INPP4B: variants seen among roughly 807,000 people sequenced by gnomAD.
INPP4B encodes the protein inositol polyphosphate 4-phosphatase type II.
A neutral mutation model predicts 122.5 loss-of-function variants in INPP4B; 55 were observed. The ratio of observed to expected loss-of-function variants is 0.45; its 90% confidence interval spans 0.36 to 0.56. The LOEUF (loss-of-function observed/expected upper bound fraction) is 0.56, where lower values mean the gene tolerates loss of function less well. Ranked by LOEUF, INPP4B falls within the 20% of genes least tolerant of loss-of-function variation. INPP4B has a pLI of 0.00. For synonymous variants in INPP4B, 403 were observed against 388.7 expected (o/e 1.04, Z -0.43); for missense variants, 1,000 against 1,097.7 (o/e 0.91, Z 1.26).
intron 7 of INPP4B, among the ~76,000 whole-genome samples, chr4:142,371,879 C>CA (rs879842820): frequency 0.011 from 1,466 of 129,260 alleles, 4 homozygotes; most frequent in African/African-American, 0.014. Flanking sequence ...GGAAGTCTCT[C>CA]AAAAAAAAAA....
At chr4:142,721,212 G>T (rs13108947) in intron 2 of INPP4B, among the ~76,000 whole-genome samples, 4,040 of 151,916 alleles carry the variant, frequency 0.027, 60 homozygotes, top group South Asian at 0.051. Context: ...ATTCCCAAAG[G>T]CTTCTCCCCA....
At chr4:142,105,143 C>G (rs1040344263) in intron 23 of INPP4B, among the ~76,000 whole-genome samples, 1 of 152,118 alleles carries the variant, frequency 6.6e-6, no homozygotes, top group African/African-American at 2.4e-5. Context: ...GGCCACCCTG[C>G]CCTACCAAGA....
intron 2 of INPP4B, among the ~76,000 whole-genome samples, chr4:142,723,163 C>T (rs898166657): frequency 6.6e-6 from 1 of 152,022 alleles, no homozygotes; most frequent in African/African-American, 2.4e-5. Flanking sequence ...ATTGTGTTTA[C>T]AGAAAGCCTA....
At chr4:142,677,826 A>G (rs553006200) in intron 2 of INPP4B, among the ~76,000 whole-genome samples, 6 of 152,088 alleles carry the variant, frequency 3.9e-5, no homozygotes, top group Non-Finnish European at 8.8e-5. Context: ...GGAACATCAT[A>G]TACTGGGGTC....
chr4:142,740,964 G>A (rs957191252), intron 1 of INPP4B, among the ~76,000 whole-genome samples: 20 of 151,932 alleles, frequency 1.3e-4, no homozygotes, highest in African/African-American at 4.3e-4. Context: ...TAATAAGTTC[G>A]CAATCCAAAA....
chr4:142,148,471 C>G (rs1179416984), intron 17 of INPP4B, among the ~76,000 whole-genome samples: 2 of 152,098 alleles, frequency 1.3e-5, no homozygotes, highest in African/African-American at 4.8e-5. Context: ...ACCTCAGCCT[C>G]CCAAAGTGCT....
At chr4:142,067,083 C>T (rs1240113696) in intron 25 of INPP4B, among the ~76,000 whole-genome samples, 1 of 152,128 alleles carries the variant, frequency 6.6e-6, no homozygotes, top group South Asian at 2.1e-4. Context: ...AGTAGGGGCC[C>T]ACTGACACCT....
chr4:142,394,138 GT>G (rs747330670), intron 7 of INPP4B, among the ~76,000 whole-genome samples: 2 of 151,372 alleles, frequency 1.3e-5, no homozygotes, highest in South Asian at 2.1e-4. Flanking sequence ...GTTTTGTGTG[GT>G]TTTTTTTGTT....
At chr4:142,297,251 G>GATT (rs1190340851) in intron 9 of INPP4B, among the ~76,000 whole-genome samples, 2 of 152,214 alleles carry the variant, frequency 1.3e-5, no homozygotes, top group Admixed American at 6.5e-5. Flanking sequence ...ATGCCAGAGT[G>GATT]ATTAAAGCCA....
At chr4:142,364,659 G>A (rs1786734707) in intron 7 of INPP4B, among the ~76,000 whole-genome samples, 2 of 152,026 alleles carry the variant, frequency 1.3e-5, no homozygotes, top group Admixed American at 6.6e-5. Context: ...AAAGATGGAT[G>A]GATCCCACAG....
At chr4:142,174,047 A>G (rs1404750341) in intron 15 of INPP4B, among the ~76,000 whole-genome samples, 1 of 152,094 alleles carries the variant, frequency 6.6e-6, no homozygotes, top group African/African-American at 2.4e-5. Flanking sequence ...CTAATACTTG[A>G]CGTGATTACA....
chr4:142,464,641 G>T (rs950875541), intron 2 of INPP4B, among the ~76,000 whole-genome samples: 1 of 151,170 alleles, frequency 6.6e-6, no homozygotes, highest in African/African-American at 2.4e-5. Flanking sequence ...CATAGTAAGA[G>T]AAATCATGAA....
chr4:142,546,456 A>G (rs1304520799), intron 2 of INPP4B, among the ~76,000 whole-genome samples: 1 of 152,150 alleles, frequency 6.6e-6, no homozygotes, highest in African/African-American at 2.4e-5. Flanking sequence ...CCACTAAGGA[A>G]TGACTTTCAA....
At chr4:142,196,893 G>A (rs946861113) in intron 14 of INPP4B, among the ~76,000 whole-genome samples, 1 of 151,970 alleles carries the variant, frequency 6.6e-6, no homozygotes, top group African/African-American at 2.4e-5. Context: ...GGGAGGCTGA[G>A]GAGGGCAGAT....
At chr4:142,467,948 C>G (rs1818112267) in intron 2 of INPP4B, 1 of 152,092 alleles carries the variant, frequency 6.6e-6, no homozygotes, top group South Asian at 2.1e-4. Flanking sequence ...CTCTTGCTCC[C>G]CCTCTCACCA....
intron 2 of INPP4B, among the ~76,000 whole-genome samples, chr4:142,578,768 G>T (rs746527368): frequency 3.3e-5 from 5 of 151,964 alleles, no homozygotes; most frequent in Non-Finnish European, 7.4e-5. Flanking sequence ...CTTAACAAAT[G>T]CTGTCCTTTA....
intron 2 of INPP4B, among the ~76,000 whole-genome samples, chr4:142,653,210 AC>A (rs1753394965): frequency 6.6e-6 from 1 of 152,216 alleles, no homozygotes; most frequent in Non-Finnish European, 1.5e-5. Context: ...TACACCTTAT[AC>A]AAAACTGAAT....
chr4:142,404,636 A>C (rs966761021), intron 6 of INPP4B, among the ~76,000 whole-genome samples: 2 of 152,206 alleles, frequency 1.3e-5, no homozygotes, highest in African/African-American at 4.8e-5. Context: ...TTTGCCTAAA[A>C]ACATAGTTTG....
chr4:142,160,093 CATA>C (rs1485532151), intron 17 of INPP4B, among the ~76,000 whole-genome samples: 1 of 151,764 alleles, frequency 6.6e-6, no homozygotes, highest in Non-Finnish European at 1.5e-5. Context: ...AATAAGGAAA[CATA>C]AGAGTCTTGT....
Sources: allele counts gnomAD v4.1 joint callset (sites outside exome capture counted in the v4.1 genomes callset), GRCh38; gene constraint gnomAD v4.1.1; transcripts MANE v1.5; gene names NCBI Gene and HGNC (gene_info 2026-07-23, HGNC 2026-07-21).